STAT1: variants seen among roughly 807,000 people sequenced by gnomAD.
STAT1 encodes the protein signal transducer and activator of transcription 1-alpha/beta.
In STAT1, 24 loss-of-function variants were observed where a neutral mutation model predicts 111.7. That is an observed-to-expected ratio of 0.21 (90% confidence interval 0.16 to 0.30). The LOEUF is 0.30. Among genes scored for constraint, STAT1 ranks in the 10% least tolerant of loss-of-function variants. The pLI is 1.00. For synonymous variants in STAT1, 332 were observed against 326.5 expected, an observed-to-expected ratio of 1.02 and a Z score of -0.18; for missense variants, 351 against 911.9, an observed-to-expected ratio of 0.38 and a Z score of 7.92.
chr2:190,979,185 C>T lies in STAT1; in HGVS notation c.1728-184G>A, dbSNP rs758673338. The stretch of plus-strand genomic sequence containing the variant: ...AGCATTTCACTTATACATGTATATA[C>T]TAAGGTTTTAAAAAAAGCGATATGA... On this transcript the variant is annotated intron_variant, in intron 20 of 24. Coordinates refer to ENST00000361099, the MANE Select transcript of STAT1 (RefSeq NM_007315.4). This position sits in a 1 kb window ranked among gnomAD's most constrained non-coding sequence, Gnocchi z 5.8. Among the ~76,000 whole-genome samples the T allele has an allele frequency of 2.0e-5, 3 of 152,158 alleles. No individual in the cohort carries two copies. Among genetic ancestry groups the T allele is most frequent in the African/African-American group, 4.8e-5 (2 of 41,428 alleles).
Position 190,978,735 on chromosome 2 carries a change from T to A in STAT1, c.1873+121A>T, listed in dbSNP as rs560897275. Reference sequence around the variant, plus strand: ...AATCCTATCGGGGGCTCATTTGGGGTAAGTATAAGATCTGCAATTTCATGT... The same window carrying A: ...AATCCTATCGGGGGCTCATTTGGGGAAAGTATAAGATCTGCAATTTCATGT... On this transcript the variant is annotated intron_variant, in intron 21 of 24. Transcript: ENST00000361099. This position sits in a 1 kb window ranked among gnomAD's most constrained non-coding sequence, Gnocchi z 6.1. 353 of 1,307,178 alleles carry A rather than the reference T, an allele frequency of 2.7e-4. 5 individuals are homozygous for A. In the South Asian group the frequency reaches 3.5e-3, roughly 13 times the overall value. 81.0% of individuals were successfully genotyped at this position (1,307,178 alleles called of 1,614,324 possible).
rs1286957420 is a variant in STAT1 at position 190,986,734 on chromosome 2, A to G, written c.1221+120T>C. On this transcript the variant is annotated intron_variant, in intron 14 of 24. Transcript: ENST00000361099. The surrounding 1 kb of genome is among the most constrained non-coding windows in gnomAD (Gnocchi z 5.0). ...TGGCGACAGGAAGACACCAGCCACA[A>G]AGTCTACAAACCCCAGCAGGGGGGC... is the stretch of plus-strand genomic sequence containing the variant. 2 of 963,680 alleles carry G rather than the reference A, an allele frequency of 2.1e-6. No homozygotes were observed. The highest frequency in any genetic ancestry group is 1.6e-5 in the African/African-American group (1 of 61,558). The allele number at this position is 963,680 out of a possible 1,614,324, so 59.7% of individuals were successfully genotyped here.
rs1299961287 is a variant in STAT1, at chr2:190,980,015, G to C, written c.1633-149C>G. ...AGCAATGGGATCCCTCCCCTGGCAG[G>C]GAATATCAAGTTCCCTCCCCGCTCT... On this transcript the variant is annotated intron_variant, in intron 19 of 24. Coordinates refer to ENST00000361099, the MANE Select transcript of STAT1 (RefSeq NM_007315.4). This position sits in a 1 kb window ranked among gnomAD's most constrained non-coding sequence, Gnocchi z 6.1. 1.5e-6 allele frequency: 1 copy of C among 667,512 alleles called. No homozygotes were observed. The highest frequency in any genetic ancestry group is 2.2e-5 in the Admixed American group (1 of 45,600). 41.3% of individuals were successfully genotyped at this position (667,512 alleles called of 1,614,324 possible). A position where few individuals can be genotyped will look rare whatever the true frequency, so the allele number is the denominator to read the frequency against.
In STAT1 at chr2:190,984,116, T is replaced by C. The variant is rs1692597110; in HGVS notation, c.1347+194A>G. On this transcript the variant is annotated intron_variant, in intron 16 of 24. Coordinates refer to ENST00000361099, the MANE Select transcript of STAT1 (RefSeq NM_007315.4). This position sits in a 1 kb window ranked among gnomAD's most constrained non-coding sequence, Gnocchi z 5.2. ...GATCTCAACTGGAACTTTTAAGTTATTGAATTTGAAGGTTAATTCAATTGT... is the reference window on the plus strand; with the variant it reads ...GATCTCAACTGGAACTTTTAAGTTACTGAATTTGAAGGTTAATTCAATTGT... Among the ~76,000 whole-genome samples the C allele has an allele frequency of 6.6e-6, 1 of 152,188 alleles. No individual in the cohort carries two copies. Among genetic ancestry groups the C allele is most frequent in the African/African-American group, 2.4e-5 (1 of 41,454 alleles).
rs893419999 is a variant in STAT1, at chr2:190,990,829, C to A, written c.1037+399G>T. ...TGATGAAAGCTATAAATCCATCCAT[C>A]AGAAAAATGTACATGTTATAAATCC... is the stretch of plus-strand genomic sequence containing the variant. On this transcript the variant is annotated intron_variant, in intron 11 of 24. Transcript: ENST00000361099. The surrounding 1 kb of genome is among the most constrained non-coding windows in gnomAD (Gnocchi z 5.1). 1.3e-5 allele frequency among the ~76,000 whole-genome samples: 2 copies of A among 152,148 alleles called. No individual in the cohort carries two copies. Among genetic ancestry groups the A allele is most frequent in the East Asian group, 3.9e-4 (2 of 5,194 alleles).
Position 190,971,873 on chromosome 2 carries a change from T to C in STAT1, c.2239-1156A>G, listed in dbSNP as rs1691505207. ...GATTACAGGCACACACCACCATGGC[T>C]GGCTAATTTTTGTATTTTTAGTAGA... On this transcript the variant is annotated intron_variant, in intron 24 of 24. Coordinates refer to ENST00000361099, the MANE Select transcript of STAT1 (RefSeq NM_007315.4). This position sits in a 1 kb window ranked among gnomAD's most constrained non-coding sequence, Gnocchi z 4.1. 6.6e-6 allele frequency among the ~76,000 whole-genome samples: 1 copy of C among 152,158 alleles called. No homozygotes were observed. The highest frequency in any genetic ancestry group is 1.5e-5 in the Non-Finnish European group (1 of 67,990).
At position 190,987,735 on chromosome 2, in the gene STAT1, T is replaced by C. The variant is rs909031257; in HGVS notation, c.1098-667A>G. Among the ~76,000 whole-genome samples the C allele has an allele frequency of 2.0e-5, 3 of 152,196 alleles. No homozygotes were observed. The highest frequency in any genetic ancestry group is 7.2e-5 in the African/African-American group (3 of 41,450). ...CCAAATAATGTATCCGTGAGCGTCC[T>C]AGATGTAGACTAGAAATCATGGGCT... On this transcript the variant is annotated intron_variant, in intron 12 of 24. Coordinates refer to ENST00000361099, the MANE Select transcript of STAT1 (RefSeq NM_007315.4). This position sits in a 1 kb window ranked among gnomAD's most constrained non-coding sequence, Gnocchi z 4.0.
At position 190,975,336 on chromosome 2, in the gene STAT1, G is replaced by GCTCCACA; in HGVS notation, c.2136-411_2136-405dup. The GCTCCACA allele has an allele frequency of 2.1e-6, 1 of 482,588 alleles. No homozygotes were observed. Among genetic ancestry groups the GCTCCACA allele is most frequent in the Non-Finnish European group, 4.2e-6 (1 of 235,928 alleles). 29.9% of individuals were successfully genotyped at this position (482,588 alleles called of 1,614,324 possible). On this transcript the variant is annotated intron_variant, in intron 23 of 24. Coordinates refer to ENST00000361099, the MANE Select transcript of STAT1 (RefSeq NM_007315.4). The surrounding 1 kb of genome is among the most constrained non-coding windows in gnomAD (Gnocchi z 5.9). ...TTGAGGTTTGAATGCAGATAAAGCT[G>GCTCCACA]CTCCACACAGTGTTTTTACATGAAG...
rs1476287955 is a variant in STAT1 at position 191,000,874 on chromosome 2, A to AT, written c.462+199dup. Among the ~76,000 whole-genome samples the AT allele has an allele frequency of 6.6e-6, 1 of 152,232 alleles. No individual in the cohort carries two copies. Among genetic ancestry groups the AT allele is most frequent in the Non-Finnish European group, 1.5e-5 (1 of 68,040 alleles). On this transcript the variant is annotated intron_variant, in intron 6 of 24. Transcript: ENST00000361099. The surrounding 1 kb of genome is among the most constrained non-coding windows in gnomAD (Gnocchi z 4.8). ...AAGCTAAACTCAATGTTTGGCAGTT[A>AT]TAAGAGGCCATTCAAAAAGTCTATC...
At position 190,969,947 on chromosome 2, in the gene STAT1, G is replaced by A. The variant is rs1398973007; in HGVS notation, c.*756C>T. 6.6e-6 allele frequency: 1 copy of A among 152,430 alleles called. No homozygotes were observed. Among genetic ancestry groups the A allele is most frequent in the Non-Finnish European group, 1.5e-5 (1 of 68,194 alleles). The allele number at this position is 152,430 out of a possible 1,614,324, so 9.4% of individuals were successfully genotyped here. ...ATAATTGTATGTGACCAAGATGAAA[G>A]CAGAATGTATTCAGCTTTGGATATC... On this transcript the variant is annotated 3_prime_UTR_variant, in exon 25 of 25. Coordinates refer to ENST00000361099, the MANE Select transcript of STAT1 (RefSeq NM_007315.4).
Position 190,981,628 on chromosome 2 carries a change from A to C in STAT1, c.1582+755T>G, listed in dbSNP as rs1692400582. Among the ~76,000 whole-genome samples, 2 of 152,258 alleles carry C rather than the reference A, an allele frequency of 1.3e-5. No homozygotes were observed. Among genetic ancestry groups the C allele is most frequent in the Non-Finnish European group, 2.9e-5 (2 of 68,044 alleles). Reference sequence around the variant, plus strand: ...TGACAGCTGCATATCCAAGAGAAGAAGGCACTGTTGAAAGTCACTGAGTTA... The same window carrying C: ...TGACAGCTGCATATCCAAGAGAAGACGGCACTGTTGAAAGTCACTGAGTTA... On this transcript the variant is annotated intron_variant, in intron 18 of 24. Coordinates refer to ENST00000361099, the MANE Select transcript of STAT1 (RefSeq NM_007315.4). This position sits in a 1 kb window ranked among gnomAD's most constrained non-coding sequence, Gnocchi z 4.1.
intron 5 of STAT1, among the ~76,000 whole-genome samples, chr2:191,005,032 C>T (rs1694574144): frequency 6.6e-6 from 1 of 152,158 alleles, no homozygotes; most frequent in African/African-American, 2.4e-5. Flanking sequence ...ATAATATTCT[C>T]TTAAATGTAT....
chr2:190,975,925 G>A lies in STAT1; in HGVS notation c.2060-38C>T, dbSNP rs750133564. The stretch of plus-strand genomic sequence containing the variant: ...ACATTGTGTACGCTTTCCATCAACC[G>A]AAATTCCATCAGAATACAACATCAA... On this transcript the variant is annotated intron_variant, in intron 22 of 24. Transcript: ENST00000361099. The surrounding 1 kb of genome is among the most constrained non-coding windows in gnomAD (Gnocchi z 5.9). The A allele has an allele frequency of 5.1e-6, 8 of 1,555,948 alleles. No individual in the cohort carries two copies. The highest frequency in any genetic ancestry group is 2.2e-5 in the East Asian group (1 of 44,538).
chr2:190,982,051 G>A lies in STAT1; in HGVS notation c.1582+332C>T, dbSNP rs41373544. ...TCCTTTTTTCTCCCCAAGGTTAATG[G>A]TTAATAGGCCTTCATCTTTCTCATC... On this transcript the variant is annotated intron_variant, in intron 18 of 24. Coordinates refer to ENST00000361099, the MANE Select transcript of STAT1 (RefSeq NM_007315.4). This position sits in a 1 kb window ranked among gnomAD's most constrained non-coding sequence, Gnocchi z 7.3. Among the ~76,000 whole-genome samples the A allele has an allele frequency of 3.8e-4, 58 of 152,300 alleles. No homozygotes were observed. The highest frequency in any genetic ancestry group is 1.4e-3 in the African/African-American group (58 of 41,556).
At position 190,998,870 on chromosome 2, in the gene STAT1, T is replaced by C. The variant is rs1473948361; in HGVS notation, c.542-562A>G. Among the ~76,000 whole-genome samples the C allele has an allele frequency of 2.6e-5, 4 of 151,994 alleles. No individual in the cohort carries two copies. Among genetic ancestry groups the C allele is most frequent in the Non-Finnish European group, 5.9e-5 (4 of 68,016 alleles). On this transcript the variant is annotated intron_variant, in intron 7 of 24. Transcript: ENST00000361099. This position sits in a 1 kb window ranked among gnomAD's most constrained non-coding sequence, Gnocchi z 4.1. ...ATCTGAACAGAATTCAGATAAAAAA[T>C]GTATACAAAGCATAGCTGTAGCTTT...
intron 5 of STAT1, among the ~76,000 whole-genome samples, chr2:191,001,422 T>C (rs545604891): frequency 4.7e-4 from 71 of 152,356 alleles, no homozygotes; most frequent in Middle Eastern, 3.4e-3. Context: ...ATTCATACAG[T>C]TGCATGGTAC....
In STAT1 at chr2:190,983,604, G is replaced by T; in HGVS notation, c.1446+38C>A. On this transcript the variant is annotated intron_variant, in intron 17 of 24. Coordinates refer to ENST00000361099, the MANE Select transcript of STAT1 (RefSeq NM_007315.4). This position sits in a 1 kb window ranked among gnomAD's most constrained non-coding sequence, Gnocchi z 5.7. ...GCAGCAGTGAGAGCGTGGGGTCTCT[G>T]CTTAACCCTGGGACCAAAGCAAATG... The T allele has an allele frequency of 6.3e-7, 1 of 1,586,626 alleles. No homozygotes were observed. The highest frequency in any genetic ancestry group is 8.7e-7 in the Non-Finnish European group (1 of 1,155,062).
Position 190,981,405 on chromosome 2 carries a change from G to A in STAT1, c.1583-736C>T, listed in dbSNP as rs570789928. ...CAAAAACCAAGTGAGAGAAACGAGA[G>A]GAAGAAGCCCGGGGTTATTAGCTAC... On this transcript the variant is annotated intron_variant, in intron 18 of 24. Transcript: ENST00000361099. The surrounding 1 kb of genome is among the most constrained non-coding windows in gnomAD (Gnocchi z 4.1). Among the ~76,000 whole-genome samples the A allele has an allele frequency of 7.9e-5, 12 of 152,354 alleles. No homozygotes were observed. The highest frequency in any genetic ancestry group is 2.6e-4 in the African/African-American group (11 of 41,588).
At chr2:191,013,773 A>G (rs183194795) in intron 1 of STAT1, 95 bp from the exon 2 acceptor site, 11 of 398,268 alleles carry the variant, frequency 2.8e-5, no homozygotes, top group African/African-American at 1.4e-4. Flanking sequence ...GAGGAAAATT[A>G]TATTTCACAA....
Sources: gnomAD v4.1 joint callset for allele counts (sites outside exome capture counted in the v4.1 genomes callset) on GRCh38, gnomAD v4.1.1 for gene constraint, Gnocchi (gnomAD v3.1) non-coding constraint, MANE v1.5 for transcripts, NCBI Gene and HGNC (gene_info 2026-07-23, HGNC 2026-07-21) for gene names.